The following GLMN variants were observed in gnomAD, a reference collection of about 807,000 sequenced individuals.
GLMN encodes glomulin.
Under a neutral mutation model 87.8 loss-of-function variants are expected in GLMN, and 75 were observed. That is an observed-to-expected ratio of 0.85 (90% CI 0.71 to 1.04). The LOEUF is 1.04. Ranked by LOEUF, GLMN falls within the 50% of genes least tolerant of loss-of-function variation. The pLI, the probability that GLMN is intolerant of heterozygous loss-of-function variation, is 0.00. For missense variants in GLMN, 588 were observed against 658.8 expected (o/e 0.89, Z 1.18); for synonymous variants, 206 against 221.6 (o/e 0.93, Z 0.63).
At chr1:92,266,359 G>A in intron 13 of GLMN, 60 bp downstream of exon 13, 1 of 869,928 alleles carries the variant, frequency 1.1e-6, no homozygotes, top group Non-Finnish European at 2.0e-6. Context: ...ACAATTACAT[G>A]GCATTAACAT....
intron 16 of GLMN, among the ~76,000 whole-genome samples, chr1:92,250,524 T>C (rs1653330789): frequency 6.6e-6 from 1 of 152,158 alleles, no homozygotes; most frequent in African/African-American, 2.4e-5. Flanking sequence ...TCACACGGGG[T>C]AAAAGTTTTT....
the GLMN span, chr1:92,307,220 T>C: frequency 1.2e-6 from 2 of 1,612,154 alleles, no homozygotes; most frequent in African/African-American, 2.7e-5. Context: ...ATCAAGCATC[T>C]AAGTTTTTTG....
the GLMN span, among the ~76,000 whole-genome samples, chr1:92,362,107 CAT>C: frequency 6.6e-6 from 1 of 152,154 alleles, no homozygotes; most frequent in Non-Finnish European, 1.5e-5. Context: ...TATTTTAAAA[CAT>C]AGCCTTGCAA....
chr1:92,300,365 G>C, upstream of GLMN: 5 of 700,084 alleles, frequency 7.1e-6, no homozygotes, highest in Non-Finnish European at 1.2e-5. Flanking sequence ...GGAAGGGAAA[G>C]ATCTGGGAAG....
the GLMN span, among the ~76,000 whole-genome samples, chr1:92,329,741 T>C: frequency 6.6e-6 from 1 of 152,142 alleles, no homozygotes; most frequent in Non-Finnish European, 1.5e-5. Flanking sequence ...TATAATAAAC[T>C]CAACTTGATT....
chr1:92,362,531 A>G, the GLMN span, among the ~76,000 whole-genome samples: 1 of 152,162 alleles, frequency 6.6e-6, no homozygotes, highest in African/African-American at 2.4e-5. Flanking sequence ...ATTTTAGTAC[A>G]GCTCAAGTAT....
At chr1:92,249,766 C>A (rs543407352) in intron 16 of GLMN, among the ~76,000 whole-genome samples, 1 of 152,208 alleles carries the variant, frequency 6.6e-6, no homozygotes, top group Admixed American at 6.5e-5. Flanking sequence ...ACCAGTTGCT[C>A]TACATTTCCT....
intron 16 of GLMN, among the ~76,000 whole-genome samples, chr1:92,249,924 C>T (rs1036275055): frequency 3.3e-5 from 5 of 152,122 alleles, no homozygotes; most frequent in African/African-American, 7.2e-5. Context: ...GGTCCATCCA[C>T]GTTGCTGCAA....
intron 16 of GLMN, among the ~76,000 whole-genome samples, chr1:92,252,741 TTAAGATTTCTTAA>T (rs1653690469): frequency 6.6e-6 from 1 of 151,884 alleles, no homozygotes; most frequent in Non-Finnish European, 1.5e-5. Context: ...AAATCACATT[TTAAGATTTCTTAA>T]AATCTTTCAG....
chr1:92,319,607 G>T, the GLMN span, among the ~76,000 whole-genome samples: 1 of 152,116 alleles, frequency 6.6e-6, no homozygotes. Flanking sequence ...AAGGCAAAAA[G>T]TCTTACTGAC....
At chr1:92,316,301 T>C in the GLMN span, among the ~76,000 whole-genome samples, 1 of 152,142 alleles carries the variant, frequency 6.6e-6, no homozygotes, top group Non-Finnish European at 1.5e-5. Flanking sequence ...AACTATAACC[T>C]CTTCCTGAAC....
chr1:92,370,518 A>G, the GLMN span, among the ~76,000 whole-genome samples: 1 of 152,194 alleles, frequency 6.6e-6, no homozygotes, highest in African/African-American at 2.4e-5. Flanking sequence ...TGCAAGAGAC[A>G]TTTAGATTAT....
At chr1:92,310,937 A>C in the GLMN span, among the ~76,000 whole-genome samples, 2 of 152,214 alleles carry the variant, frequency 1.3e-5, no homozygotes, top group Non-Finnish European at 2.9e-5. Flanking sequence ...TCTTATTGAA[A>C]TGACTTCCAA....
At chr1:92,282,477 G>A (rs1338089293) in intron 7 of GLMN, among the ~76,000 whole-genome samples, 2 of 152,192 alleles carry the variant, frequency 1.3e-5, no homozygotes, top group Non-Finnish European at 2.9e-5. Context: ...TTAAAGCAGT[G>A]AGTAGAGGGA....
Position 92,297,952 on chromosome 1 carries a change from A to G in GLMN, c.39+9T>C. 7.7e-7 allele frequency: 1 copy of G among 1,294,068 alleles called. No individual in the cohort carries two copies. Among genetic ancestry groups the G allele is most frequent in the Non-Finnish European group, 1.1e-6 (1 of 889,098 alleles). The allele number at this position is 1,294,068 out of a possible 1,614,324, so 80.2% of individuals were successfully genotyped here. A position where few individuals can be genotyped will look rare whatever the true frequency, so the allele number is the denominator to read the frequency against. On this transcript the variant is annotated intron_variant, in intron 2 of 18. Transcript: ENST00000370360. ...AAAGGTATTTAATTTTACAAAAATTAATACTTACACATCTCTTTATTATAG... is the reference window on the plus strand; with the variant it reads ...AAAGGTATTTAATTTTACAAAAATTGATACTTACACATCTCTTTATTATAG...
chr1:92,259,015 C>A (rs915572772), intron 16 of GLMN, among the ~76,000 whole-genome samples: 1 of 152,150 alleles, frequency 6.6e-6, no homozygotes, highest in Non-Finnish European at 1.5e-5. Context: ...CTCACACAGA[C>A]TAAGCAATTC....
the GLMN span, among the ~76,000 whole-genome samples, chr1:92,366,065 AC>A: frequency 2.0e-5 from 3 of 152,218 alleles, no homozygotes; most frequent in African/African-American, 7.2e-5. Flanking sequence ...CACAAAGGGA[AC>A]AACTAGGAAA....
intron 3 of GLMN, among the ~76,000 whole-genome samples, chr1:92,292,927 G>C (rs949669359): frequency 6.6e-6 from 1 of 151,698 alleles, no homozygotes; most frequent in Non-Finnish European, 1.5e-5. Context: ...GGGAGGATGA[G>C]TGGGAGGATG....
intron 16 of GLMN, among the ~76,000 whole-genome samples, chr1:92,251,460 G>T (rs1653486816): frequency 6.6e-6 from 1 of 152,036 alleles, no homozygotes. Context: ...TTGAAATGGG[G>T]TCATTGACCT....
Sources: gnomAD v4.1 joint callset for allele counts (sites outside exome capture counted in the v4.1 genomes callset) on GRCh38, gnomAD v4.1.1 for gene constraint, MANE v1.5 for transcripts, NCBI Gene and HGNC (gene_info 2026-07-23, HGNC 2026-07-21) for gene names.